The following SHOC1 variants were observed in gnomAD, a reference collection of about 807,000 sequenced individuals.
SHOC1 encodes shortage in chiasmata 1.
Under a neutral mutation model 179.2 loss-of-function variants are expected in SHOC1, and 136 were observed. The ratio of observed to expected loss-of-function variants is 0.76; its 90% confidence interval spans 0.66 to 0.87. The LOEUF (loss-of-function observed/expected upper bound fraction) is 0.87. Ranked by LOEUF, SHOC1 falls within the 40% of genes least tolerant of loss-of-function variation. The pLI, the probability that SHOC1 is intolerant of heterozygous loss-of-function variation, is 0.00. For synonymous variants in SHOC1, 489 were observed against 586.6 expected, an observed-to-expected ratio of 0.83 and a Z score of 2.41; for missense variants, 1,538 against 1,700.8, an observed-to-expected ratio of 0.90 and a Z score of 1.68.
At chr9:111,689,989 T>G (rs1466798916) in intron 27 of SHOC1, among the ~76,000 whole-genome samples, 1 of 152,178 alleles carries the variant, frequency 6.6e-6, no homozygotes, top group African/African-American at 2.4e-5. Flanking sequence ...TAGAAAAATA[T>G]GAAATTTTCA....
In SHOC1 at chr9:111,750,394, G is replaced by C. The variant is rs180873140; in HGVS notation, c.863-2195C>G. On this transcript the variant is annotated intron_variant, in intron 8 of 27. Coordinates refer to ENST00000682961, the MANE Select transcript of SHOC1 (RefSeq NM_001378211.1). ...CACCCAGGCTGGATGGAGTGCAATG[G>C]CGTGGTCTTAGCTCACTGCAACCTC... 1.4e-3 allele frequency among the ~76,000 whole-genome samples: 207 copies of C among 152,148 alleles called. 1 individual carries two copies. Among genetic ancestry groups the C allele is most frequent in the African/African-American group, 4.8e-3 (201 of 41,514 alleles).
intron 10 of SHOC1, 78 bp downstream of exon 10, chr9:111,746,156 G>C (rs1834267841): frequency 2.2e-6 from 2 of 896,514 alleles, no homozygotes; most frequent in Non-Finnish European, 3.5e-6. Flanking sequence ...CTTGGAAATT[G>C]CTTTTATATG....
In SHOC1 at chr9:111,756,414, A is replaced by G. The variant is rs750309663; in HGVS notation, c.773T>C (p.Ile258Thr). 1.9e-5 allele frequency: 30 copies of G among 1,611,410 alleles called. No individual in the cohort carries two copies. The highest frequency in any genetic ancestry group is 2.4e-5 in the Non-Finnish European group (28 of 1,178,128). ...IPPSLKPEID[I>T]PSLSELKELL... is the part of the protein sequence containing the mutation. ...CTCCTTCAGTTCTGAGAGTGATGGAATATCAATTTCTGGTTTGAGGCTTGG... is the reference window on the plus strand; with the variant it reads ...CTCCTTCAGTTCTGAGAGTGATGGAGTATCAATTTCTGGTTTGAGGCTTGG... The change falls in exon 8 of 28, where the codon ATT becomes ACT. Residue 258 changes from isoleucine to threonine, a missense_variant. Coordinates refer to ENST00000682961, the MANE Select transcript of SHOC1 (RefSeq NM_001378211.1).
At position 111,727,792 on chromosome 9, in the gene SHOC1, T is replaced by C; in HGVS notation, c.1675A>G (p.Ile559Val). ...HFELDCTGPS[I>V]KSPSSSIIKK... is the part of the protein sequence containing the mutation. ...ATTATTGAAGAGGAAGGTGATTTAA[T>C]AGATGGTCCTGTGCAGTCAAGTTCA... is the stretch of plus-strand genomic sequence containing the variant. The change falls in exon 13 of 28, where the codon ATT becomes GTT. Residue 559 changes from isoleucine (I) to valine (V), a missense_variant. Ile to Val is a conservative substitution (Grantham distance 29). Transcript: ENST00000682961. 1.2e-5 allele frequency: 20 copies of C among 1,613,468 alleles called. No homozygotes were observed. The highest frequency in any genetic ancestry group is 1.7e-5 in the Non-Finnish European group (20 of 1,179,680).
chr9:111,763,085 T>A (rs1835205974), intron 5 of SHOC1, among the ~76,000 whole-genome samples: 1 of 151,912 alleles, frequency 6.6e-6, no homozygotes, highest in African/African-American at 2.4e-5. Context: ...AATAGAGTAC[T>A]TATGGATAAA....
intron 7 of SHOC1, among the ~76,000 whole-genome samples, chr9:111,756,855 A>T (rs1484772340): frequency 2.0e-5 from 3 of 152,200 alleles, no homozygotes. Context: ...GGAATGGAAT[A>T]GATCTTTACT....
intron 24 of SHOC1, among the ~76,000 whole-genome samples, chr9:111,695,074 C>T (rs1831629096): frequency 9.2e-6 from 1 of 109,124 alleles, no homozygotes; most frequent in African/African-American, 4.6e-5. Context: ...CCTCCATGCC[C>T]TTCTCTCTTC....
At chr9:111,739,152 T>C (rs1281044335) in intron 11 of SHOC1, among the ~76,000 whole-genome samples, 1 of 152,016 alleles carries the variant, frequency 6.6e-6, no homozygotes, top group Non-Finnish European at 1.5e-5. Flanking sequence ...TAAGAAGAAA[T>C]TAAAACTTAA....
intron 11 of SHOC1, among the ~76,000 whole-genome samples, chr9:111,741,051 G>A (rs1448967376): frequency 1.3e-5 from 2 of 152,144 alleles, no homozygotes; most frequent in African/African-American, 2.4e-5. Context: ...CGACACTCCC[G>A]GCTAATTTCC....
Position 111,727,933 on chromosome 9 carries a change from G to A in SHOC1, c.1534C>T (p.Leu512=). Residue 512 remains leucine, a synonymous_variant, in exon 13 of 28, where the codon CTA becomes TTA. Transcript: ENST00000682961. ...SPSLAKEVPD[L]CFSDDYFSDK... The stretch of plus-strand genomic sequence containing the variant: ...GAGAAATAGTCATCAGAAAAACATA[G>A]ATCTGGTACTTCTTTTGCCAGAGAT... 1.2e-6 allele frequency: 2 copies of A among 1,613,416 alleles called. No individual in the cohort carries two copies. The highest frequency in any genetic ancestry group is 1.7e-6 in the Non-Finnish European group (2 of 1,179,704).
chr9:111,737,698 C>A lies in SHOC1; in HGVS notation c.1417+582G>T, dbSNP rs200560744. On this transcript the variant is annotated intron_variant, in intron 12 of 27. Coordinates refer to ENST00000682961, the MANE Select transcript of SHOC1 (RefSeq NM_001378211.1). ...AAACAATAAAAACAAACCCCCCCCCCCACACACAAAATATATAATTCATGC... is the reference window on the plus strand; with the variant it reads ...AAACAATAAAAACAAACCCCCCCCCACACACACAAAATATATAATTCATGC... Among the ~76,000 whole-genome samples, 364 of 144,470 alleles carry A rather than the reference C, an allele frequency of 2.5e-3. 4 individuals carry two copies. The East Asian group carries it at 0.027, about 11-fold the overall frequency. 94.8% of individuals were successfully genotyped at this position (144,470 alleles called of 152,430 possible). A position where few individuals can be genotyped will look rare whatever the true frequency, so the allele number is the denominator to read the frequency against.
intron 9 of SHOC1, among the ~76,000 whole-genome samples, chr9:111,747,488 C>T (rs1834344023): frequency 6.6e-6 from 1 of 152,132 alleles, no homozygotes; most frequent in African/African-American, 2.4e-5. Context: ...ATTTACTGAG[C>T]TATAATATTT....
chr9:111,697,167 T>TTGGGGCAG (rs1017503734), intron 24 of SHOC1, among the ~76,000 whole-genome samples: 3 of 151,294 alleles, frequency 2.0e-5, no homozygotes, highest in African/African-American at 7.3e-5. Context: ...GAGAGTAGGA[T>TTGGGGCAG]TGGGGCAGGT....
chr9:111,703,941 AAAGAGTTTC>A lies in SHOC1; in HGVS notation c.2898_2906del (p.Leu966_Leu968del), dbSNP rs776369422. 1 of 1,609,636 alleles carries A rather than the reference AAAGAGTTTC, an allele frequency of 6.2e-7. No individual in the cohort carries two copies. Among genetic ancestry groups the A allele is most frequent in the Non-Finnish European group, 8.5e-7 (1 of 1,178,314 alleles). On this transcript the variant is annotated inframe_deletion, in exon 22 of 28. Transcript: ENST00000682961. ...CCACTACATAACACTCTGAACTTCCAAAGAGTTTCAATGACTCACTGCAGCCTCTCTCTA... is the reference window on the plus strand; with the variant it reads ...CCACTACATAACACTCTGAACTTCCAAATGACTCACTGCAGCCTCTCTCTA...
Position 111,703,996 on chromosome 9 carries a change from TA to T in SHOC1, c.2856-5del. The T allele has an allele frequency of 1.4e-6, 2 of 1,443,592 alleles. No individual in the cohort carries two copies. Among genetic ancestry groups the T allele is most frequent in the South Asian group, 1.2e-5 (1 of 81,460 alleles). 89.4% of individuals were successfully genotyped at this position (1,443,592 alleles called of 1,614,324 possible). On this transcript the variant is annotated splice_region_variant and splice_polypyrimidine_tract_variant and intron_variant, in intron 21 of 27. Coordinates refer to ENST00000682961, the MANE Select transcript of SHOC1 (RefSeq NM_001378211.1). Reference sequence around the variant, plus strand: ...CTCTACTAGTGAGATGTTATAGCTGTAAAATACAATATTCTTGAGTGAAAAA... The same window carrying T: ...CTCTACTAGTGAGATGTTATAGCTGTAAATACAATATTCTTGAGTGAAAAA...
At chr9:111,746,164 A>G in intron 10 of SHOC1, 70 bp downstream of exon 10, 1 of 1,031,786 alleles carries the variant, frequency 9.7e-7, no homozygotes, top group Non-Finnish European at 1.5e-6. Flanking sequence ...TTGCTTTTAT[A>G]TGGAGAGATT....
intron 5 of SHOC1, among the ~76,000 whole-genome samples, chr9:111,760,888 A>G (rs1835105475): frequency 1.3e-5 from 2 of 151,790 alleles, no homozygotes; most frequent in Admixed American, 6.6e-5. Context: ...TGGAAAAGTG[A>G]TTACAAAGTA....
intron 8 of SHOC1, among the ~76,000 whole-genome samples, chr9:111,750,999 C>T (rs576117587): frequency 6.6e-6 from 1 of 152,138 alleles, no homozygotes; most frequent in East Asian, 1.9e-4. Flanking sequence ...AGTCTTTAAT[C>T]CATCTTGAGT....
chr9:111,691,478 T>A, intron 27 of SHOC1, 73 bp downstream of exon 27: 1 of 1,425,254 alleles, frequency 7.0e-7, no homozygotes. Context: ...AAAAAAAATG[T>A]TAAATTTGGA....
Sources: allele counts gnomAD v4.1 joint callset (sites outside exome capture counted in the v4.1 genomes callset), GRCh38; gene constraint gnomAD v4.1.1; transcripts MANE v1.5; gene names NCBI Gene and HGNC (gene_info 2026-07-23, HGNC 2026-07-21).